The following GAREM1 variants were observed in gnomAD, a reference collection of about 807,000 sequenced individuals.
GAREM1 encodes GRB2 associated regulator of MAPK1 subtype 1, also known as GRB2-associated and regulator of MAPK protein 1.
A neutral mutation model predicts 71.3 loss-of-function variants in GAREM1; 26 were observed. The observed-to-expected ratio is 0.36, with a 90% confidence interval of 0.27 to 0.51. GAREM1 has a LOEUF of 0.51. Among genes scored for constraint, GAREM1 ranks in the 20% least tolerant of loss-of-function variants. GAREM1 has a pLI of 0.95. For missense variants in GAREM1, 1,026 were observed against 1,103.1 expected, an observed-to-expected ratio of 0.93 and a Z score of 0.99; for synonymous variants, 440 against 433.2, an observed-to-expected ratio of 1.02 and a Z score of -0.20.
intron 1 of GAREM1, among the ~76,000 whole-genome samples, chr18:32,439,426 A>G (rs1197904695): frequency 6.6e-6 from 1 of 152,150 alleles, no homozygotes; most frequent in Non-Finnish European, 1.5e-5. Flanking sequence ...CACACTTTGT[A>G]TAAGGAGAAA....
intron 2 of GAREM1, among the ~76,000 whole-genome samples, chr18:32,375,302 C>T (rs1300234218): frequency 6.6e-6 from 1 of 152,030 alleles, no homozygotes; most frequent in African/African-American, 2.4e-5. Flanking sequence ...CCATAGCGAC[C>T]CTGGAGTCTG....
intron 1 of GAREM1, among the ~76,000 whole-genome samples, chr18:32,437,481 G>C (rs1028988678): frequency 4.6e-5 from 7 of 152,208 alleles, no homozygotes; most frequent in Non-Finnish European, 1.0e-4. Context: ...GCACACATTT[G>C]AGGGGTTATC....
intron 4 of GAREM1, among the ~76,000 whole-genome samples, chr18:32,281,886 C>T (rs2046955139): frequency 6.6e-6 from 1 of 152,140 alleles, no homozygotes; most frequent in Non-Finnish European, 1.5e-5. Context: ...ATATGCCCTG[C>T]CCCACCTTAA....
At chr18:32,422,149 C>T (rs1045194016) in intron 1 of GAREM1, among the ~76,000 whole-genome samples, 3 of 152,108 alleles carry the variant, frequency 2.0e-5, no homozygotes, top group East Asian at 1.9e-4. Flanking sequence ...CTTCCCCAAC[C>T]CCACAACAGG....
chr18:32,456,541 A>G (rs754168861), intron 1 of GAREM1, among the ~76,000 whole-genome samples: 1 of 152,270 alleles, frequency 6.6e-6, no homozygotes, highest in Non-Finnish European at 1.5e-5. Context: ...CTATTAAATC[A>G]ACTCCACTTC....
chr18:32,376,383 C>T (rs1055750845), intron 2 of GAREM1, among the ~76,000 whole-genome samples: 5 of 152,164 alleles, frequency 3.3e-5, no homozygotes, highest in South Asian at 2.1e-4. Context: ...ACATTATTGA[C>T]GTTTACATCT....
intron 3 of GAREM1, among the ~76,000 whole-genome samples, chr18:32,297,528 T>C (rs1369142165): frequency 6.6e-6 from 1 of 152,224 alleles, no homozygotes; most frequent in African/African-American, 2.4e-5. Context: ...TATTTTCACA[T>C]AGATTTCTAA....
At chr18:32,338,700 G>A (rs1476996257) in intron 2 of GAREM1, among the ~76,000 whole-genome samples, 1 of 152,158 alleles carries the variant, frequency 6.6e-6, no homozygotes, top group African/African-American at 2.4e-5. Flanking sequence ...ACCTCACATG[G>A]AGGCCATCTT....
intron 4 of GAREM1, among the ~76,000 whole-genome samples, chr18:32,285,123 C>A (rs999616566): frequency 6.6e-6 from 1 of 152,118 alleles, no homozygotes; most frequent in Non-Finnish European, 1.5e-5. Context: ...GGGCCAAGGA[C>A]CCCGGCTCCA....
intron 2 of GAREM1, among the ~76,000 whole-genome samples, chr18:32,355,303 A>C (rs1221887734): frequency 6.6e-6 from 1 of 152,184 alleles, no homozygotes; most frequent in Non-Finnish European, 1.5e-5. Context: ...CAAGAGGCCT[A>C]TGGTGAATAA....
Position 32,267,542 on chromosome 18 carries a change from GCTATTTTGTAATAAATATCATAC to G in GAREM1, c.*306_*328del, listed in dbSNP as rs1452955428. On this transcript the variant is annotated 3_prime_UTR_variant, in exon 6 of 6. Coordinates refer to ENST00000269209, the MANE Select transcript of GAREM1 (RefSeq NM_001242409.2). Reference sequence around the variant, plus strand: ...AAGATTTTTATGTCTTCCAGCTTTGGCTATTTTGTAATAAATATCATACCTTCTCACATAAACCTACTTGGGTA... The same window carrying G: ...AAGATTTTTATGTCTTCCAGCTTTGGCTTCTCACATAAACCTACTTGGGTA... 1 of 183,332 alleles carries G rather than the reference GCTATTTTGTAATAAATATCATAC, an allele frequency of 5.5e-6. No individual in the cohort carries two copies. The highest frequency in any genetic ancestry group is 2.4e-5 in the African/African-American group (1 of 41,310). The allele number at this position is 183,332 out of a possible 1,614,324, so 11.4% of individuals were successfully genotyped here.
intron 2 of GAREM1, among the ~76,000 whole-genome samples, chr18:32,314,718 A>G (rs2047359258): frequency 6.6e-6 from 1 of 151,624 alleles, no homozygotes; most frequent in East Asian, 1.9e-4. Context: ...CCTCCTGAGT[A>G]GCTGGGATTA....
chr18:32,458,685 G>C (rs1384823851), intron 1 of GAREM1, among the ~76,000 whole-genome samples: 1 of 151,680 alleles, frequency 6.6e-6, no homozygotes, highest in African/African-American at 2.4e-5. Context: ...AAAGGGCTCA[G>C]GAAATTCACA....
At chr18:32,469,614 T>A (rs2049030537) in intron 1 of GAREM1, among the ~76,000 whole-genome samples, 1 of 152,216 alleles carries the variant, frequency 6.6e-6, no homozygotes, top group Non-Finnish European at 1.5e-5. Flanking sequence ...GTGGTCAGTT[T>A]CAGGAAATAC....
chr18:32,387,446 C>T (rs1224479743), intron 2 of GAREM1, among the ~76,000 whole-genome samples: 1 of 152,124 alleles, frequency 6.6e-6, no homozygotes, highest in South Asian at 2.1e-4. Context: ...AGGTTTGCCC[C>T]TTTGGTAGCA....
At chr18:32,391,991 A>T (rs2048205039) in intron 2 of GAREM1, among the ~76,000 whole-genome samples, 1 of 152,198 alleles carries the variant, frequency 6.6e-6, no homozygotes, top group South Asian at 2.1e-4. Context: ...GACAGTGGGA[A>T]TACAGTAAGG....
intron 1 of GAREM1, among the ~76,000 whole-genome samples, chr18:32,429,971 T>G (rs910503634): frequency 6.6e-6 from 1 of 152,340 alleles, no homozygotes; most frequent in South Asian, 2.1e-4. Context: ...TGGCTTGTCA[T>G]GGACAACTGA....
chr18:32,404,731 A>G (rs1368158977), intron 1 of GAREM1, among the ~76,000 whole-genome samples: 2 of 152,206 alleles, frequency 1.3e-5, no homozygotes, highest in Non-Finnish European at 2.9e-5. Context: ...TTCTTTTTAA[A>G]GAATGTTTTT....
chr18:32,268,767 T>C lies in GAREM1; in HGVS notation c.1735A>G (p.Ser579Gly), dbSNP rs2041414541. 2 of 1,611,186 alleles carry C rather than the reference T, an allele frequency of 1.2e-6. No individual in the cohort carries two copies. Residue 579 changes from serine to glycine, a missense_variant and splice_region_variant, in exon 6 of 6, where the codon AGC becomes GGC. This residue lies in a region of GAREM1 where 636 missense variants were observed against 631.2 expected (regional missense o/e 1.01). Transcript: ENST00000269209. ...GGATTTGTGTCAGTTTTAGTGACGC[T>C]GCTTAAAAGCAAACACAGAAGGAGA... is the stretch of plus-strand genomic sequence containing the variant. ...SYYSSGLHNISVTKTDTNPSE... is the reference protein window; with the variant it reads ...SYYSSGLHNIGVTKTDTNPSE...
Sources: gnomAD v4.1 joint callset for allele counts (sites outside exome capture counted in the v4.1 genomes callset) on GRCh38, gnomAD v4.1.1 for gene constraint, gnomAD v4.1.1 regional missense constraint, MANE v1.5 for transcripts, NCBI Gene and HGNC (gene_info 2026-07-23, HGNC 2026-07-21) for gene names.